The following TRPM8 variants were observed in gnomAD, a reference collection of about 807,000 sequenced individuals.
TRPM8 encodes TRPM8 cationic channel.
Under a neutral mutation model 133.7 loss-of-function variants are expected in TRPM8, and 110 were observed. The observed-to-expected ratio is 0.82, with a 90% CI of 0.70 to 0.96. The LOEUF (loss-of-function observed/expected upper bound fraction) is 0.96. Ranked by LOEUF, TRPM8 falls within the 40% of genes least tolerant of loss-of-function variation. TRPM8 has a pLI of 0.00. For missense variants in TRPM8, 1,291 were observed against 1,379.5 expected (o/e 0.94, Z 1.02); for synonymous variants, 535 against 532.3 (o/e 1.01, Z -0.07).
chr2:233,952,025 G>A (rs1356600591), intron 9 of TRPM8, among the ~76,000 whole-genome samples: 7 of 152,104 alleles, frequency 4.6e-5, no homozygotes, highest in Non-Finnish European at 7.4e-5. Flanking sequence ...AAGCCGTCAT[G>A]GTTATTCCCC....
chr2:234,003,105 A>C (rs1036442217), intron 22 of TRPM8, among the ~76,000 whole-genome samples: 1 of 152,240 alleles, frequency 6.6e-6, no homozygotes, highest in Non-Finnish European at 1.5e-5. Flanking sequence ...TTAGAAAAGG[A>C]GACAAAGTAC....
At chr2:234,005,859 C>T (rs1390121472) in intron 22 of TRPM8, among the ~76,000 whole-genome samples, 1 of 149,954 alleles carries the variant, frequency 6.7e-6, no homozygotes, top group African/African-American at 2.5e-5. Context: ...TGCAGGGAGG[C>T]AGAGGTTGCA....
At chr2:233,945,798 C>A in intron 6 of TRPM8, 58 bp from the exon 7 acceptor site, 1 of 1,448,986 alleles carries the variant, frequency 6.9e-7, no homozygotes, top group East Asian at 2.3e-5. Flanking sequence ...AGAAAAATAT[C>A]ATCATGTATC....
intron 3 of TRPM8, among the ~76,000 whole-genome samples, chr2:233,935,554 T>G (rs1690709338): frequency 6.6e-6 from 1 of 152,176 alleles, no homozygotes; most frequent in Non-Finnish European, 1.5e-5. Context: ...TCTGGGCAAA[T>G]CAGAACATTG....
At chr2:233,929,265 G>A (rs573385098) in intron 2 of TRPM8, among the ~76,000 whole-genome samples, 3 of 152,242 alleles carry the variant, frequency 2.0e-5, no homozygotes, top group Non-Finnish European at 4.4e-5. Context: ...CCTCTTTCAT[G>A]GGGTCTGGGT....
chr2:234,007,658 A>AGT (rs1296900480), intron 23 of TRPM8, among the ~76,000 whole-genome samples: 3 of 152,206 alleles, frequency 2.0e-5, no homozygotes, highest in African/African-American at 7.2e-5. Flanking sequence ...ACAAAATATG[A>AGT]GTATATATAA....
chr2:233,957,518 CA>C lies in TRPM8; in HGVS notation c.1362+2274del, dbSNP rs534539324. Among the ~76,000 whole-genome samples the C allele has an allele frequency of 3.8e-3, 566 of 150,932 alleles. 9 individuals carry two copies. Among genetic ancestry groups the C allele is most frequent in the Non-Finnish European group, 3.8e-3 (258 of 67,682 alleles). On this transcript the variant is annotated intron_variant, in intron 11 of 25. Coordinates refer to ENST00000324695, the MANE Select transcript of TRPM8 (RefSeq NM_024080.5). ...CAAACAAACACACACAAAAAAAACC[CA>C]AAAAACAAAAAAACAAAAAAATTAA... is the stretch of plus-strand genomic sequence containing the variant.
At chr2:233,937,288 T>C in intron 3 of TRPM8, 65 bp from the exon 4 acceptor site, 1 of 1,582,070 alleles carries the variant, frequency 6.3e-7, no homozygotes, top group Middle Eastern at 1.7e-4. Flanking sequence ...AAGCTAACAA[T>C]ACCAGTTTCC....
intron 21 of TRPM8, among the ~76,000 whole-genome samples, chr2:233,990,517 C>T (rs951116489): frequency 2.6e-5 from 4 of 152,188 alleles, no homozygotes; most frequent in African/African-American, 9.7e-5. Flanking sequence ...TGTGCAGTGG[C>T]TGTACATGCT....
chr2:234,005,586 A>G (rs1010157840), intron 22 of TRPM8, among the ~76,000 whole-genome samples: 1 of 152,210 alleles, frequency 6.6e-6, no homozygotes, highest in African/African-American at 2.4e-5. Context: ...AACCACACTT[A>G]AAAATAAATA....
rs1016249369 is a variant in TRPM8, at chr2:233,981,810, A to G, written c.2484A>G (p.Gly828=). 2 of 1,613,412 alleles carry G rather than the reference A, an allele frequency of 1.2e-6. No homozygotes were observed. The highest frequency in any genetic ancestry group is 1.7e-6 in the Non-Finnish European group (2 of 1,179,754). The change falls in exon 19 of 26, where the codon GGA becomes GGG. Residue 828 remains glycine (G), a synonymous_variant. Transcript: ENST00000324695. The part of the protein sequence containing the change: ...HSSNKSSLYS[G]RVIFCLDYII... ...CTAATAAAAGCTCTTTGTATTCTGG[A>G]CGAGTCATTTTCTGTCTGGACTACA... is the stretch of plus-strand genomic sequence containing the variant.
chr2:233,930,765 T>C, intron 3 of TRPM8, 24 bp downstream of exon 3: 1 of 1,566,282 alleles, frequency 6.4e-7, no homozygotes, highest in Non-Finnish European at 8.7e-7. Flanking sequence ...TTCCCTCCAG[T>C]TTTGCTTTCC....
At chr2:233,977,831 A>G (rs1228575404) in intron 17 of TRPM8, among the ~76,000 whole-genome samples, 1 of 152,198 alleles carries the variant, frequency 6.6e-6, no homozygotes, top group African/African-American at 2.4e-5. Context: ...AATATCAAAT[A>G]TATTTTAGCT....
At chr2:233,932,466 C>T (rs1187746987) in intron 3 of TRPM8, among the ~76,000 whole-genome samples, 1 of 152,070 alleles carries the variant, frequency 6.6e-6, no homozygotes, top group African/African-American at 2.4e-5. Context: ...AGTTGAGGGA[C>T]AGTGGAATAT....
intron 17 of TRPM8, among the ~76,000 whole-genome samples, chr2:233,971,448 G>A (rs1166180191): frequency 2.0e-5 from 3 of 152,132 alleles, no homozygotes; most frequent in Non-Finnish European, 2.9e-5. Flanking sequence ...GGTATGACCT[G>A]GGGGAAGAGT....
At chr2:233,947,829 CA>C (rs1333721880) in intron 8 of TRPM8, among the ~76,000 whole-genome samples, 12 of 152,050 alleles carry the variant, frequency 7.9e-5, no homozygotes, top group African/African-American at 2.4e-4. Flanking sequence ...CTTTTAGGGT[CA>C]GGGGTATATG....
In TRPM8 at chr2:233,927,143, C is replaced by A. The variant is rs189865493; in HGVS notation, c.117+489C>A. On this transcript the variant is annotated intron_variant, in intron 2 of 25. Transcript: ENST00000324695. ...CAACACTCTCATATCCTGTCCAACA[C>A]TCTCATTTGTCAAGAAATTAAGACA... is the stretch of plus-strand genomic sequence containing the variant. Among the ~76,000 whole-genome samples, 113 of 152,318 alleles carry A rather than the reference C, an allele frequency of 7.4e-4. 1 individual carries two copies. Among genetic ancestry groups the A allele is most frequent in the South Asian group, 4.8e-3 (23 of 4,826 alleles).
At chr2:233,963,215 CCTA>C in intron 12 of TRPM8, 64 bp from the exon 13 acceptor site, 1 of 1,086,602 alleles carries the variant, frequency 9.2e-7, no homozygotes, top group Non-Finnish European at 1.4e-6. Flanking sequence ...GGGCTACTCT[CCTA>C]GGGCTTCCTG....
At chr2:233,961,770 C>T (rs1691445451) in intron 12 of TRPM8, among the ~76,000 whole-genome samples, 1 of 151,618 alleles carries the variant, frequency 6.6e-6, no homozygotes, top group Non-Finnish European at 1.5e-5. Context: ...GCTGGGATTA[C>T]AGGCGTCAGC....
Sources: gnomAD v4.1 joint callset for allele counts (sites outside exome capture counted in the v4.1 genomes callset) on GRCh38, gnomAD v4.1.1 for gene constraint, MANE v1.5 for transcripts, NCBI Gene and HGNC (gene_info 2026-07-23, HGNC 2026-07-21) for gene names.